KCNMB2: variants seen among roughly 807,000 people sequenced by gnomAD.
KCNMB2 encodes the protein potassium calcium-activated channel subfamily M regulatory beta subunit 2.
A neutral mutation model predicts 24.5 loss-of-function variants in KCNMB2; 9 were observed. The observed-to-expected ratio is 0.37, with a 90% CI of 0.22 to 0.64. The LOEUF is 0.64. Among genes scored for constraint, KCNMB2 ranks in the 30% least tolerant of loss-of-function variants. KCNMB2 has a pLI of 0.63. For synonymous variants in KCNMB2, 109 were observed against 104.4 expected, an observed-to-expected ratio of 1.04 and a Z score of -0.27; for missense variants, 226 against 284.3, an observed-to-expected ratio of 0.79 and a Z score of 1.47.
chr3:178,568,819 TA>T (rs869268988), intron 1 of KCNMB2, among the ~76,000 whole-genome samples: 4 of 78,386 alleles, frequency 5.1e-5, no homozygotes, highest in African/African-American at 2.6e-4. Flanking sequence ...AGATAGATAA[TA>T]GATAGATAGA....
intron 2 of KCNMB2, among the ~76,000 whole-genome samples, chr3:178,817,216 C>CATATATAT (rs573513799): frequency 9.8e-6 from 1 of 101,762 alleles, no homozygotes; most frequent in African/African-American, 5.4e-5. Flanking sequence ...ATGTTAATGA[C>CATATATAT]ATATATATAT....
chr3:178,712,409 G>A (rs1303614423), intron 1 of KCNMB2, among the ~76,000 whole-genome samples: 4 of 152,202 alleles, frequency 2.6e-5, no homozygotes, highest in Non-Finnish European at 5.9e-5. Flanking sequence ...GGGTTACGTT[G>A]ACTCGACAAA....
At chr3:178,538,867 T>G (rs1168568105) in intron 1 of KCNMB2, among the ~76,000 whole-genome samples, 2 of 152,238 alleles carry the variant, frequency 1.3e-5, no homozygotes, top group African/African-American at 4.8e-5. Flanking sequence ...TTTTATTGCC[T>G]GTTTACATTG....
intron 1 of KCNMB2, among the ~76,000 whole-genome samples, chr3:178,609,511 T>C (rs954868410): frequency 3.3e-5 from 5 of 152,190 alleles, no homozygotes; most frequent in Admixed American, 2.0e-4. Flanking sequence ...TTTTTTACTT[T>C]GGTTGCCTGT....
intron 2 of KCNMB2, among the ~76,000 whole-genome samples, chr3:178,813,966 T>A (rs1045164428): frequency 6.9e-6 from 1 of 145,616 alleles, no homozygotes; most frequent in African/African-American, 2.6e-5. Flanking sequence ...TTGTTGTTGT[T>A]GTTGTTGTTG....
At chr3:178,762,109 T>C (rs964902725) in intron 1 of KCNMB2, among the ~76,000 whole-genome samples, 7 of 152,136 alleles carry the variant, frequency 4.6e-5, no homozygotes, top group African/African-American at 1.7e-4. Flanking sequence ...AGGCAGAGCT[T>C]GCAGTGAGCC....
chr3:178,586,485 A>G (rs1717431128), intron 1 of KCNMB2, among the ~76,000 whole-genome samples: 1 of 151,158 alleles, frequency 6.6e-6, no homozygotes, highest in South Asian at 2.1e-4. Flanking sequence ...TTTTTTTCAG[A>G]AGAATAGAAG....
chr3:178,562,080 A>G (rs184745486), intron 1 of KCNMB2, among the ~76,000 whole-genome samples: 12 of 152,356 alleles, frequency 7.9e-5, no homozygotes. Context: ...ATATAAAGCA[A>G]TGCTATATAT....
intron 1 of KCNMB2, among the ~76,000 whole-genome samples, chr3:178,683,600 T>C (rs116296863): frequency 6.6e-5 from 10 of 152,334 alleles, no homozygotes; most frequent in Non-Finnish European, 8.8e-5. Flanking sequence ...TTTATACTTA[T>C]AGCACATCTC....
chr3:178,696,064 C>G lies in KCNMB2; in HGVS notation c.-67-111279C>G, dbSNP rs188078850. Among the ~76,000 whole-genome samples the G allele has an allele frequency of 9.2e-4, 140 of 152,326 alleles. No homozygotes were observed. In the Middle Eastern group the frequency reaches 0.024, roughly 26 times the overall value. Reference sequence around the variant, plus strand: ...AGCTTGGCTGGGAGGCCTCAGGAAACTTACAATTGTGGTGGAAGGGGAAGT... The same window carrying G: ...AGCTTGGCTGGGAGGCCTCAGGAAAGTTACAATTGTGGTGGAAGGGGAAGT... On this transcript the variant is annotated intron_variant, in intron 1 of 4. Transcript: ENST00000452583.
chr3:178,765,586 C>G (rs1281275510), intron 1 of KCNMB2, among the ~76,000 whole-genome samples: 1 of 146,766 alleles, frequency 6.8e-6, no homozygotes, highest in Non-Finnish European at 1.5e-5. Context: ...AATGCCTAAG[C>G]TGGGCTTCTA....
chr3:178,550,247 G>A (rs1715904478), intron 1 of KCNMB2, among the ~76,000 whole-genome samples: 1 of 151,460 alleles, frequency 6.6e-6, no homozygotes, highest in Admixed American at 6.6e-5. Context: ...TCAGGAGATC[G>A]AGACTGTCCT....
intron 1 of KCNMB2, among the ~76,000 whole-genome samples, chr3:178,772,790 G>A (rs543084112): frequency 6.6e-6 from 1 of 152,336 alleles, no homozygotes; most frequent in Admixed American, 6.5e-5. Flanking sequence ...ACTGAAACAT[G>A]TAGAAGTAGG....
At chr3:178,755,177 G>A (rs1362370454) in intron 1 of KCNMB2, among the ~76,000 whole-genome samples, 1 of 152,226 alleles carries the variant, frequency 6.6e-6, no homozygotes, top group Non-Finnish European at 1.5e-5. Context: ...GCAGCAACAA[G>A]GAGACATGCC....
rs141748271 is a variant in KCNMB2 at position 178,738,391 on chromosome 3, T to C, written c.-67-68952T>C. 4.7e-3 allele frequency among the ~76,000 whole-genome samples: 711 copies of C among 152,336 alleles called. 4 individuals carry two copies. Among genetic ancestry groups the C allele is most frequent in the African/African-American group, 0.016 (669 of 41,582 alleles). On this transcript the variant is annotated intron_variant, in intron 1 of 4. Coordinates refer to ENST00000452583, the MANE Select transcript of KCNMB2 (RefSeq NM_181361.3). ...TGTTTTTACAATTCAAATCTGGTCATGTGACTCCCTTGCTTAAAACTATTA... is the reference window on the plus strand; with the variant it reads ...TGTTTTTACAATTCAAATCTGGTCACGTGACTCCCTTGCTTAAAACTATTA...
At chr3:178,694,090 C>G (rs942837770) in intron 1 of KCNMB2, among the ~76,000 whole-genome samples, 2 of 152,082 alleles carry the variant, frequency 1.3e-5, no homozygotes, top group Non-Finnish European at 2.9e-5. Flanking sequence ...TTCAGCATAG[C>G]TGGGGAGGCC....
intron 2 of KCNMB2, among the ~76,000 whole-genome samples, chr3:178,817,591 T>C (rs532719735): frequency 6.6e-6 from 1 of 152,228 alleles, no homozygotes; most frequent in Non-Finnish European, 1.5e-5. Flanking sequence ...ATCCATTGCC[T>C]CATAGGTACA....
At chr3:178,567,594 C>CAAAGAGTTATTGTTAGAA (rs1361023514) in intron 1 of KCNMB2, among the ~76,000 whole-genome samples, 5 of 151,936 alleles carry the variant, frequency 3.3e-5, no homozygotes, top group Admixed American at 6.6e-5. Context: ...CAAAGAGTTA[C>CAAAGAGTTATTGTTAGAA]AGCTAGCATT....
At chr3:178,699,562 C>T (rs1250680014) in intron 1 of KCNMB2, among the ~76,000 whole-genome samples, 5 of 152,140 alleles carry the variant, frequency 3.3e-5, no homozygotes, top group South Asian at 2.1e-4. Context: ...GTGGGCCCCC[C>T]GGGCACCCAA....
Sources: allele counts gnomAD v4.1 joint callset (sites outside exome capture counted in the v4.1 genomes callset), GRCh38; gene constraint gnomAD v4.1.1; transcripts MANE v1.5; gene names NCBI Gene and HGNC (gene_info 2026-07-23, HGNC 2026-07-21).